The following ABCA13 variants were observed in gnomAD, a reference collection of about 807,000 sequenced individuals.
The protein encoded by ABCA13 is ATP-binding cassette sub-family A member 13.
ABCA13 carries 476 observed loss-of-function variants against 478.7 expected under a neutral mutation model. That is an observed-to-expected ratio of 0.99 (90% CI 0.92 to 1.07). The LOEUF (loss-of-function observed/expected upper bound fraction) is 1.07, where lower values mean the gene tolerates loss of function less well. Ranked by LOEUF, ABCA13 falls within the 50% of genes least tolerant of loss-of-function variation. ABCA13 has a pLI of 0.00. For missense variants in ABCA13, 6,060 were observed against 5,910.6 expected, an observed-to-expected ratio of 1.03 and a Z score of -0.83; for synonymous variants, 2,252 against 2,158.9, an observed-to-expected ratio of 1.04 and a Z score of -1.20.
Position 48,455,057 on chromosome 7 carries a change from G to T in ABCA13, c.12586G>T (p.Ala4196Ser). 6.5e-7 allele frequency: 1 copy of T among 1,533,798 alleles called. No individual in the cohort carries two copies. Among genetic ancestry groups the T allele is most frequent in the East Asian group, 2.5e-5 (1 of 40,708 alleles). The change falls in exon 43 of 62, where the codon GCA becomes TCA. Residue 4196 changes from alanine to serine, a missense_variant. Physicochemically the swap from Ala to Ser is moderately conservative, Grantham distance 99. Around this residue, in one of 3 missense-constraint regions of ABCA13, gnomAD observed 1,627 missense variants for 1,571.0 expected, o/e 1.04. Coordinates refer to ENST00000435803, the MANE Select transcript of ABCA13 (RefSeq NM_152701.5). ...SGYCGSLARP[A>S]TVQGVQLLRA... Reference sequence around the variant, plus strand: ...TGCAGGTGGCTCCCTAGCACGGCCCGCAACTGTGCAGGGCGTCCAGCTGCT... The same window carrying T: ...TGCAGGTGGCTCCCTAGCACGGCCCTCAACTGTGCAGGGCGTCCAGCTGCT...
intron 2 of ABCA13, among the ~76,000 whole-genome samples, chr7:48,196,472 T>C (rs532061772): frequency 6.6e-6 from 1 of 152,278 alleles, no homozygotes; most frequent in Non-Finnish European, 1.5e-5. Flanking sequence ...GCAACCTTTG[T>C]GAGCCTCTTC....
At chr7:48,544,309 G>A (rs550370770) in intron 55 of ABCA13, among the ~76,000 whole-genome samples, 6 of 151,724 alleles carry the variant, frequency 4.0e-5, no homozygotes, top group Non-Finnish European at 7.4e-5. Flanking sequence ...TTCTTGGAAT[G>A]TCCAAACTGA....
At chr7:48,642,571 A>G (rs892172640) in intron 59 of ABCA13, among the ~76,000 whole-genome samples, 2 of 152,130 alleles carry the variant, frequency 1.3e-5, no homozygotes, top group Non-Finnish European at 1.5e-5. Flanking sequence ...TTGGGATGCT[A>G]TGATGTGCCC....
intron 15 of ABCA13, among the ~76,000 whole-genome samples, chr7:48,267,575 T>C (rs1298078844): frequency 6.6e-6 from 1 of 152,100 alleles, no homozygotes; most frequent in Non-Finnish European, 1.5e-5. Flanking sequence ...ATCTTACAAA[T>C]TTTGCCTTTT....
intron 55 of ABCA13, among the ~76,000 whole-genome samples, chr7:48,575,396 G>C (rs76971027): frequency 0.016 from 2,509 of 152,264 alleles, 28 homozygotes; most frequent in Middle Eastern, 0.027. Flanking sequence ...AAATGTGCTA[G>C]CTGAATTTGA....
intron 8 of ABCA13, among the ~76,000 whole-genome samples, chr7:48,236,737 T>G (rs1790010338): frequency 6.6e-6 from 1 of 152,230 alleles, no homozygotes; most frequent in Non-Finnish European, 1.5e-5. Flanking sequence ...AGCCTTAATT[T>G]CATCTGCAGC....
At chr7:48,366,325 A>AT (rs1029701803) in intron 31 of ABCA13, among the ~76,000 whole-genome samples, 1 of 151,164 alleles carries the variant, frequency 6.6e-6, no homozygotes, top group Non-Finnish European at 1.5e-5. Flanking sequence ...CTGCTTGAGT[A>AT]TTTTTTTCCC....
intron 48 of ABCA13, among the ~76,000 whole-genome samples, chr7:48,489,774 A>C (rs1011512730): frequency 6.6e-6 from 1 of 152,170 alleles, no homozygotes; most frequent in Non-Finnish European, 1.5e-5. Context: ...TCAATTCATC[A>C]GTTATTTATG....
chr7:48,374,415 A>G lies in ABCA13; in HGVS notation c.11202A>G (p.Thr3734=). ...TTACATTCCTGGAAGGACAAGAGAC[A>G]GGTAAGAGCATGCATGTGTAAAAAG... is the stretch of plus-strand genomic sequence containing the variant. ...FFITFLEGQE[T]GIQWNNMYQA... The change falls in exon 34 of 62, where the codon ACA becomes ACG. Residue 3734 remains threonine, a splice_region_variant and synonymous_variant. Coordinates refer to ENST00000435803, the MANE Select transcript of ABCA13 (RefSeq NM_152701.5). 1 of 1,607,702 alleles carries G rather than the reference A, an allele frequency of 6.2e-7. No individual in the cohort carries two copies. Among genetic ancestry groups the G allele is most frequent in the Non-Finnish European group, 8.5e-7 (1 of 1,177,108 alleles).
rs1276449100 is a variant in ABCA13 at position 48,403,872 on chromosome 7, C to A, written c.12063C>A (p.Tyr4021Ter). The A allele has an allele frequency of 6.2e-7, 1 of 1,612,958 alleles. No individual in the cohort carries two copies. Among genetic ancestry groups the A allele is most frequent in the African/African-American group, 1.3e-5 (1 of 75,044 alleles). ...RHSLWDILLK[Y>*]REGRTIIFTT... ...GCCTGTGGGACATTCTGCTCAAGTA[C>A]CGAGAAGGTAGGCACTGGGCCTCAT... is the stretch of plus-strand genomic sequence containing the variant. The change falls in exon 39 of 62, where the codon TAC becomes TAA. Residue 4021 changes from tyrosine (Y) to a stop codon, truncating the protein, a stop_gained. Coordinates refer to ENST00000435803, the MANE Select transcript of ABCA13 (RefSeq NM_152701.5). LOFTEE classifies it high-confidence loss of function.
At chr7:48,496,343 T>C (rs942994238) in intron 48 of ABCA13, among the ~76,000 whole-genome samples, 8 of 152,122 alleles carry the variant, frequency 5.3e-5, no homozygotes, top group Non-Finnish European at 1.0e-4. Context: ...TTGGGTGAAG[T>C]GTAGAAAGCT....
At chr7:48,516,908 A>G in intron 52 of ABCA13, 27 bp downstream of exon 52, 1 of 1,602,496 alleles carries the variant, frequency 6.2e-7, no homozygotes, top group Non-Finnish European at 8.5e-7. Context: ...CATCACCTCT[A>G]CACTTCTGCA....
intron 59 of ABCA13, among the ~76,000 whole-genome samples, chr7:48,621,045 T>C (rs1793080644): frequency 6.6e-6 from 1 of 152,132 alleles, no homozygotes; most frequent in African/African-American, 2.4e-5. Flanking sequence ...CTCATGCTTC[T>C]CTAAATACAT....
At chr7:48,545,959 A>G (rs989988819) in intron 55 of ABCA13, among the ~76,000 whole-genome samples, 1 of 151,862 alleles carries the variant, frequency 6.6e-6, no homozygotes, top group Non-Finnish European at 1.5e-5. Flanking sequence ...TGAAGAAATA[A>G]TAGGTGAGGA....
chr7:48,633,299 A>G (rs1364925210), intron 59 of ABCA13, among the ~76,000 whole-genome samples: 1 of 152,182 alleles, frequency 6.6e-6, no homozygotes, highest in East Asian at 1.9e-4. Context: ...CTATGAAAAG[A>G]CTTAGGCAGC....
At chr7:48,384,098 G>T (rs1814800797) in intron 35 of ABCA13, among the ~76,000 whole-genome samples, 1 of 152,160 alleles carries the variant, frequency 6.6e-6, no homozygotes, top group South Asian at 2.1e-4. Flanking sequence ...ATAAACACTT[G>T]AAGGCATCTG....
At chr7:48,346,219 CCT>C (rs1408143411) in intron 29 of ABCA13, among the ~76,000 whole-genome samples, 2 of 152,048 alleles carry the variant, frequency 1.3e-5, no homozygotes, top group Non-Finnish European at 2.9e-5. Context: ...GTAAGATGTA[CCT>C]ATGTCTCCCA....
At chr7:48,241,213 C>T in intron 10 of ABCA13, 147 bp downstream of exon 10, 1 of 1,009,884 alleles carries the variant, frequency 9.9e-7, no homozygotes, top group Non-Finnish European at 1.4e-6. Context: ...CAGAGGCTTT[C>T]ATTGTGGACC....
chr7:48,201,517 C>A (rs1178098850), intron 3 of ABCA13, among the ~76,000 whole-genome samples: 1 of 152,070 alleles, frequency 6.6e-6, no homozygotes, highest in South Asian at 2.1e-4. Context: ...GTCAGGAGTT[C>A]GAAACCACCC....
Sources: gnomAD v4.1 joint callset for allele counts (sites outside exome capture counted in the v4.1 genomes callset) on GRCh38, gnomAD v4.1.1 for gene constraint, gnomAD v4.1.1 regional missense constraint, MANE v1.5 for transcripts, NCBI Gene and HGNC (gene_info 2026-07-23, HGNC 2026-07-21) for gene names.